FAM171A1: variants seen among roughly 807,000 people sequenced by gnomAD.
The protein encoded by FAM171A1 is family with sequence similarity 171 member A1.
In FAM171A1, 23 loss-of-function variants were observed where a neutral mutation model predicts 74.9. The observed-to-expected ratio is 0.31, with a 90% CI of 0.22 to 0.44. The LOEUF is 0.44. Ranked by LOEUF, FAM171A1 falls within the 20% of genes least tolerant of loss-of-function variation. The pLI, the probability that FAM171A1 is intolerant of heterozygous loss-of-function variation, is 1.00. For synonymous variants in FAM171A1, 527 were observed against 505.7 expected, an observed-to-expected ratio of 1.04 and a Z score of -0.57; for missense variants, 1,162 against 1,159.2, an observed-to-expected ratio of 1.00 and a Z score of -0.03.
intron 1 of FAM171A1, among the ~76,000 whole-genome samples, chr10:15,370,213 C>T (rs1050402646): frequency 6.7e-6 from 1 of 148,540 alleles, no homozygotes; most frequent in Non-Finnish European, 1.5e-5. Context: ...CACGAGCTGG[C>T]GACAAACTGA....
intron 1 of FAM171A1, among the ~76,000 whole-genome samples, chr10:15,330,068 G>A (rs1478977675): frequency 2.6e-5 from 4 of 152,138 alleles, no homozygotes; most frequent in South Asian, 2.1e-4. Context: ...AGGGCTGGGC[G>A]TGGTGGCTCA....
chr10:15,263,848 CATCTATCTATCTATCTATCTATCTATCT>C (rs56341083), intron 3 of FAM171A1, among the ~76,000 whole-genome samples: 24 of 143,872 alleles, frequency 1.7e-4, no homozygotes, highest in African/African-American at 2.3e-4. Flanking sequence ...ACATTTATCT[CATCTATCTATCTATCTATCTATCTATCT>C]ATCTATCTAT....
chr10:15,236,124 A>T (rs1834285505), intron 5 of FAM171A1, among the ~76,000 whole-genome samples: 1 of 152,148 alleles, frequency 6.6e-6, no homozygotes, highest in Non-Finnish European at 1.5e-5. Flanking sequence ...ATCCCAAACA[A>T]TGATGTTTCC....
At chr10:15,311,505 T>C (rs1835358963) in intron 1 of FAM171A1, among the ~76,000 whole-genome samples, 2 of 152,206 alleles carry the variant, frequency 1.3e-5, no homozygotes, top group African/African-American at 4.8e-5. Context: ...TTCAAACAGA[T>C]TGCATTGCTC....
At chr10:15,289,892 G>A (rs771890582) in intron 1 of FAM171A1, among the ~76,000 whole-genome samples, 29 of 152,230 alleles carry the variant, frequency 1.9e-4, no homozygotes, top group African/African-American at 3.4e-4. Context: ...AAGTTGCCAC[G>A]GAGACCATAA....
chr10:15,363,125 A>G (rs1836016114), intron 1 of FAM171A1, among the ~76,000 whole-genome samples: 1 of 152,206 alleles, frequency 6.6e-6, no homozygotes, highest in Non-Finnish European at 1.5e-5. Context: ...AGGATAAAGG[A>G]AACGCTTTAG....
chr10:15,348,693 G>C (rs1486621432), intron 1 of FAM171A1, among the ~76,000 whole-genome samples: 1 of 152,126 alleles, frequency 6.6e-6, no homozygotes, highest in Non-Finnish European at 1.5e-5. Flanking sequence ...CCTCTCAGGG[G>C]CCACACGGGA....
At position 15,248,741 on chromosome 10, in the gene FAM171A1, C is replaced by T; in HGVS notation, c.652G>A (p.Val218Met). Residue 218 changes from valine to methionine, a missense_variant, in exon 5 of 8, where the codon GTG (valine) becomes ATG (methionine). By Grantham distance (21) the Val-to-Met change is conservative. Coordinates refer to ENST00000378116, the MANE Select transcript of FAM171A1 (RefSeq NM_001010924.2). Reference sequence around the variant, plus strand: ...ACATAGATGGGACCATCCACCAGCACCGGCGTTCCATTACTGCTCAGCAAG... The same window carrying T: ...ACATAGATGGGACCATCCACCAGCATCGGCGTTCCATTACTGCTCAGCAAG... Reference protein sequence around the residue: ...VHLLSSNGTPVLVDGPIYVTV... With the variant: ...VHLLSSNGTPMLVDGPIYVTV... 1 of 1,613,846 alleles carries T rather than the reference C, an allele frequency of 6.2e-7. No individual in the cohort carries two copies. The highest frequency in any genetic ancestry group is 2.2e-5 in the East Asian group (1 of 44,874).
intron 1 of FAM171A1, among the ~76,000 whole-genome samples, chr10:15,340,507 G>A (rs1835753136): frequency 6.6e-6 from 1 of 152,078 alleles, no homozygotes; most frequent in African/African-American, 2.4e-5. Flanking sequence ...TATGTCAAAG[G>A]CCCAACTGTC....
chr10:15,357,486 G>A (rs538702400), intron 1 of FAM171A1, among the ~76,000 whole-genome samples: 3 of 152,180 alleles, frequency 2.0e-5, no homozygotes, highest in Admixed American at 6.5e-5. Flanking sequence ...TTACTAGGAA[G>A]GGAATGAGGG....
chr10:15,254,132 G>A (rs921383843), intron 4 of FAM171A1, among the ~76,000 whole-genome samples: 13 of 152,328 alleles, frequency 8.5e-5, no homozygotes, highest in African/African-American at 2.9e-4. Context: ...AGAAAGAAAC[G>A]ATGTGGGAAA....
At chr10:15,230,667 TG>T (rs1445841161) in intron 5 of FAM171A1, among the ~76,000 whole-genome samples, 1 of 152,100 alleles carries the variant, frequency 6.6e-6, no homozygotes, top group Non-Finnish European at 1.5e-5. Context: ...AAGCTTTAGC[TG>T]AGCTATCGTA....
At chr10:15,301,916 G>A (rs1285485761) in intron 1 of FAM171A1, among the ~76,000 whole-genome samples, 1 of 152,144 alleles carries the variant, frequency 6.6e-6, no homozygotes, top group African/African-American at 2.4e-5. Context: ...GCATTATGAA[G>A]ACATTTAGGC....
At chr10:15,316,890 T>A (rs1365085673) in intron 1 of FAM171A1, among the ~76,000 whole-genome samples, 1 of 152,104 alleles carries the variant, frequency 6.6e-6, no homozygotes. Flanking sequence ...CAAGACAGAC[T>A]CACGCATTCT....
chr10:15,264,694 G>T lies in FAM171A1; in HGVS notation c.419-9815C>A, dbSNP rs1341031649. On this transcript the variant is annotated intron_variant, in intron 3 of 7. Transcript: ENST00000378116. ...GCCACTTGGGAGGCTAAGGTGGGAG[G>T]ATCACTTGAGCTGGGGAGGCAGAGG... 2.6e-5 allele frequency among the ~76,000 whole-genome samples: 4 copies of T among 151,900 alleles called. No homozygotes were observed. The East Asian group carries it at 7.7e-4, about 29-fold the overall frequency.
intron 5 of FAM171A1, among the ~76,000 whole-genome samples, chr10:15,246,792 G>A (rs545050738): frequency 6.6e-6 from 1 of 152,314 alleles, no homozygotes; most frequent in East Asian, 1.9e-4. Context: ...AAAGTGCTGG[G>A]ATTATAGGTG....
chr10:15,323,778 G>T (rs1180404251), intron 1 of FAM171A1, among the ~76,000 whole-genome samples: 2 of 151,964 alleles, frequency 1.3e-5, no homozygotes, highest in Non-Finnish European at 2.9e-5. Context: ...GAAGCAATAA[G>T]AGTTGGAAGG....
At chr10:15,216,250 T>C in intron 6 of FAM171A1, 140 bp from the exon 7 acceptor site, 1 of 523,096 alleles carries the variant, frequency 1.9e-6, no homozygotes. Context: ...CGCCCTTGGA[T>C]CATGCACTTG....
At chr10:15,358,586 G>A (rs568274483) in intron 1 of FAM171A1, among the ~76,000 whole-genome samples, 143 of 152,300 alleles carry the variant, frequency 9.4e-4, no homozygotes, top group Non-Finnish European at 1.6e-3. Context: ...CCAGCTAGGT[G>A]TAAACCCAAA....
Sources: allele counts gnomAD v4.1 joint callset (sites outside exome capture counted in the v4.1 genomes callset), GRCh38; gene constraint gnomAD v4.1.1; transcripts MANE v1.5; gene names NCBI Gene and HGNC (gene_info 2026-07-23, HGNC 2026-07-21).